Variants in SORBS2 observed in about 807,000 individuals in gnomAD.
SORBS2 encodes the protein sorbin and SH3 domain containing 2.
SORBS2 carries 46 observed loss-of-function variants against 97.7 expected under a neutral mutation model. The ratio of observed to expected loss-of-function variants is 0.47; its 90% CI spans 0.37 to 0.60. The LOEUF (loss-of-function observed/expected upper bound fraction) is 0.60, where lower values mean the gene tolerates loss of function less well. SORBS2 is among the 20% of genes least tolerant of loss of function. The pLI is 0.00. For synonymous variants in SORBS2, 476 were observed against 473.4 expected (o/e 1.01, Z -0.07); for missense variants, 1,316 against 1,282.3 (o/e 1.03, Z -0.40).
chr4:185,844,784 T>C (rs2099213582), intron 1 of SORBS2, among the ~76,000 whole-genome samples: 1 of 152,136 alleles, frequency 6.6e-6, no homozygotes, highest in African/African-American at 2.4e-5. Context: ...TAAAAGGGAA[T>C]GAAGTACTGA....
chr4:185,796,523 GTT>G (rs2099105611), intron 1 of SORBS2, among the ~76,000 whole-genome samples: 1 of 134,004 alleles, frequency 7.5e-6, no homozygotes, highest in African/African-American at 2.9e-5. Context: ...TGGCCACGCT[GTT>G]CCCTGGTCAC....
At position 185,806,434 on chromosome 4, in the gene SORBS2, C is replaced by CTGTTTTTTTTTTTTTTTTTTTTTT. The variant is rs2099153884; in HGVS notation, c.-337-31069_-337-31068insAAAAAAAAAAAAAAAAAAAAAACA. ...AGTGGCACAGCTCTTGGCTAGAATC[C>CTGTTTTTTTTTTTTTTTTTTTTTT]TATTTTTTTTTTTTTTTTTTTTTTT... On this transcript the variant is annotated intron_variant, in intron 1 of 20. Coordinates refer to the SORBS2 transcript ENST00000284776. Among the ~76,000 whole-genome samples, 4 of 108,110 alleles carry CTGTTTTTTTTTTTTTTTTTTTTTT rather than the reference C, an allele frequency of 3.7e-5. 2 individuals carry two copies. Among genetic ancestry groups the CTGTTTTTTTTTTTTTTTTTTTTTT allele is most frequent in the African/African-American group, 7.3e-5 (2 of 27,232 alleles). 70.9% of individuals were successfully genotyped at this position (108,110 alleles called of 152,430 possible).
chr4:185,757,687 A>G (rs2153605965), intron 2 of SORBS2, among the ~76,000 whole-genome samples: 1 of 152,312 alleles, frequency 6.6e-6, no homozygotes, highest in East Asian at 1.9e-4. Context: ...ATGATGGTCT[A>G]GCAGAGAGAA....
chr4:185,672,594 A>G (rs1193582681), intron 4 of SORBS2, among the ~76,000 whole-genome samples: 2 of 152,248 alleles, frequency 1.3e-5, no homozygotes, highest in Non-Finnish European at 2.9e-5. Context: ...AGAAAACACT[A>G]TGAAAAATTG....
intron 1 of SORBS2, among the ~76,000 whole-genome samples, chr4:185,789,561 TATA>T (rs1288006315): frequency 6.6e-6 from 1 of 150,686 alleles, no homozygotes; most frequent in Non-Finnish European, 1.5e-5. Flanking sequence ...AGAAATTAAA[TATA>T]ATTTCTTATA....
intron 1 of SORBS2, among the ~76,000 whole-genome samples, chr4:185,948,540 T>TA (rs2099275659): frequency 8.3e-6 from 1 of 121,148 alleles, no homozygotes. Context: ...TTTTTTGAGA[T>TA]AGAGTCTTGC....
Position 185,606,790 on chromosome 4 carries a change from ACAAT to A in SORBS2, c.2796+4986_2796+4989del. 2 of 985,352 alleles carry A rather than the reference ACAAT, an allele frequency of 2.0e-6. No homozygotes were observed. Among genetic ancestry groups the A allele is most frequent in the Middle Eastern group, 5.2e-4 (1 of 1,914 alleles). The allele number at this position is 985,352 out of a possible 1,614,324, so 61.0% of individuals were successfully genotyped here. A position where few individuals can be genotyped will look rare whatever the true frequency, so the allele number is the denominator to read the frequency against. ...TGGCGGCCCTCTCTGGATGCCTGAC[ACAAT>A]CCCCTCATAGATGCCCTCATCTTCC... On this transcript the variant is annotated intron_variant, in intron 12 of 14. Transcript: ENST00000418609. The surrounding 1 kb of genome is among the most constrained non-coding windows in gnomAD (Gnocchi z 4.3).
chr4:185,633,712 AAG>A (rs2096944723), intron 4 of SORBS2, among the ~76,000 whole-genome samples: 1 of 135,418 alleles, frequency 7.4e-6, no homozygotes, highest in African/African-American at 2.7e-5. Flanking sequence ...AATGAAGGTT[AAG>A]AGAGATATAT....
intron 12 of SORBS2, among the ~76,000 whole-genome samples, chr4:185,608,310 C>T (rs1007507168): frequency 2.6e-5 from 4 of 152,074 alleles, no homozygotes; most frequent in Non-Finnish European, 4.4e-5. Context: ...AGACAGGAAC[C>T]CATGATCAGA....
chr4:185,747,032 C>T (rs1054470057), intron 2 of SORBS2, among the ~76,000 whole-genome samples: 4 of 152,098 alleles, frequency 2.6e-5, no homozygotes, highest in Non-Finnish European at 5.9e-5. Context: ...GTGGCTCACG[C>T]CTATGATGCC....
chr4:185,735,376 ATT>A (rs71593648), intron 2 of SORBS2, among the ~76,000 whole-genome samples: 16 of 141,864 alleles, frequency 1.1e-4, no homozygotes, highest in South Asian at 2.3e-4. Flanking sequence ...AGAGTAAACT[ATT>A]TTTTTTTTTT....
At chr4:185,646,444 CAT>C (rs10597664) in intron 4 of SORBS2, 263,900 of 412,518 alleles carry the variant, frequency 0.64, 81,783 homozygotes, top group South Asian at 0.67. Context: ...AATACACACA[CAT>C]ACACACACAC....
intron 1 of SORBS2, among the ~76,000 whole-genome samples, chr4:185,905,269 A>G (rs532846405): frequency 4.1e-4 from 63 of 152,356 alleles, no homozygotes; most frequent in African/African-American, 2.6e-4. Flanking sequence ...TCATTTTTAT[A>G]TCTATACAAA....
chr4:185,627,856 T>A (rs573705203), intron 5 of SORBS2, among the ~76,000 whole-genome samples: 2 of 148,552 alleles, frequency 1.3e-5, no homozygotes, highest in East Asian at 2.0e-4. Context: ...CTCCCGCTCA[T>A]CCTGGCACCC....
chr4:185,744,507 T>C (rs1339547689), intron 2 of SORBS2, among the ~76,000 whole-genome samples: 1 of 152,250 alleles, frequency 6.6e-6, no homozygotes, highest in African/African-American at 2.4e-5. Context: ...TAGAAGAATA[T>C]TGATAAATTA....
intron 2 of SORBS2, among the ~76,000 whole-genome samples, chr4:185,715,990 C>T (rs2098462259): frequency 6.6e-6 from 1 of 152,172 alleles, no homozygotes; most frequent in Non-Finnish European, 1.5e-5. Flanking sequence ...CTATGGCAAG[C>T]CACACAGTCA....
chr4:185,941,054 G>A (rs939259684), intron 1 of SORBS2, among the ~76,000 whole-genome samples: 3 of 152,090 alleles, frequency 2.0e-5, no homozygotes, highest in Non-Finnish European at 4.4e-5. Context: ...ATGTCAGTAG[G>A]ATTAAGGTTG....
Position 185,623,298 on chromosome 4 carries a change from G to C in SORBS2, c.1831C>G (p.Arg611Gly), listed in dbSNP as rs201392254. ...TTAGGAGCCGAATTTTTTTTCCTCC[G>C]GAAAGGCACAGGACTGACTAGAAAA... The change falls in exon 7 of 15, where the codon CGG becomes GGG. Residue 611 changes from arginine to glycine, a missense_variant. Coordinates refer to ENST00000418609, the Ensembl canonical transcript of SORBS2. The surrounding 1 kb of genome is among the most constrained non-coding windows in gnomAD (Gnocchi z 6.4). 1.2e-6 allele frequency: 2 copies of C among 1,613,808 alleles called. No homozygotes were observed. The highest frequency in any genetic ancestry group is 1.7e-6 in the Non-Finnish European group (2 of 1,179,972).
intron 12 of SORBS2, among the ~76,000 whole-genome samples, chr4:185,605,183 A>G (rs2096378285): frequency 6.6e-6 from 1 of 152,244 alleles, no homozygotes; most frequent in Non-Finnish European, 1.5e-5. Flanking sequence ...TGACTTGGAT[A>G]GTAGCGTAAT....
Sources: allele counts gnomAD v4.1 joint callset (sites outside exome capture counted in the v4.1 genomes callset), GRCh38; gene constraint gnomAD v4.1.1; non-coding constraint Gnocchi (gnomAD v3.1); transcripts MANE v1.5; gene names NCBI Gene and HGNC (gene_info 2026-07-23, HGNC 2026-07-21).